Variants in ADCK1 observed in about 807,000 individuals in gnomAD.
ADCK1 encodes aarF domain containing kinase 1.
In ADCK1, 41 loss-of-function variants were observed where a neutral mutation model predicts 52.3. That is an observed-to-expected ratio of 0.78 (90% CI 0.61 to 1.02). ADCK1 has a LOEUF of 1.02. Among genes scored for constraint, ADCK1 ranks in the 50% least tolerant of loss-of-function variants. The probability of loss-of-function intolerance (pLI) is 0.00; values close to 1 mark genes in which losing one functional copy is unlikely to be tolerated. For synonymous variants in ADCK1, 250 were observed against 274.6 expected, an observed-to-expected ratio of 0.91 and a Z score of 0.89; for missense variants, 658 against 679.5, an observed-to-expected ratio of 0.97 and a Z score of 0.35.
At chr14:77,811,538 G>A (rs139946993) in intron 1 of ADCK1, among the ~76,000 whole-genome samples, 3 of 152,290 alleles carry the variant, frequency 2.0e-5, no homozygotes, top group African/African-American at 4.8e-5. Context: ...AGGTGCAGTG[G>A]CTCAACGCCT....
At chr14:77,930,212 G>T (rs559815372) in intron 9 of ADCK1, among the ~76,000 whole-genome samples, 1 of 152,284 alleles carries the variant, frequency 6.6e-6, no homozygotes, top group African/African-American at 2.4e-5. Context: ...GCTTTGTGTT[G>T]AGATGTTCCA....
chr14:77,819,174 C>T (rs2081529514), intron 2 of ADCK1, 61 bp downstream of exon 2: 2 of 1,602,914 alleles, frequency 1.2e-6, no homozygotes, highest in Middle Eastern at 3.4e-4. Context: ...GGTGTTCATA[C>T]ATGTAGCAGA....
intron 4 of ADCK1, among the ~76,000 whole-genome samples, chr14:77,880,903 T>G (rs1419905938): frequency 6.6e-6 from 1 of 152,230 alleles, no homozygotes; most frequent in Non-Finnish European, 1.5e-5. Context: ...GTTGACTGAT[T>G]GGCTTAGGCT....
At chr14:77,929,252 T>C (rs2084267415) in intron 9 of ADCK1, among the ~76,000 whole-genome samples, 1 of 152,192 alleles carries the variant, frequency 6.6e-6, no homozygotes, top group South Asian at 2.1e-4. Context: ...ATAAGGAATT[T>C]GTTCTCTCTC....
chr14:77,814,695 C>CAAAAAAAAAAAAAAA (rs995163952), intron 1 of ADCK1, among the ~76,000 whole-genome samples: 20 of 35,894 alleles, frequency 5.6e-4, no homozygotes, highest in Non-Finnish European at 8.2e-4. Flanking sequence ...AAGACACTCT[C>CAAAAAAAAAAAAAAA]AAAAAAAAAA....
Position 77,822,505 on chromosome 14 carries a change from A to G in ADCK1, c.206A>G (p.Gln69Arg), listed in dbSNP as rs1445902696. The G allele has an allele frequency of 6.2e-7, 1 of 1,613,784 alleles. No homozygotes were observed. Among genetic ancestry groups the G allele is most frequent in the Middle Eastern group, 1.6e-4 (1 of 6,062 alleles). ...CCTTATGGCTCAGAGGAGTACTTGC[A>G]GCTGAGATCTAAGGTAAGTAACCCA... ...SVPYGSEEYL[Q>R]LRSKVHLRSA... Residue 69 changes from glutamine (Q) to arginine (R), a missense_variant, in exon 3 of 11, where the codon CAG (glutamine) becomes CGG (arginine). Transcript: ENST00000238561.
chr14:77,815,484 A>G (rs922847659), intron 1 of ADCK1, among the ~76,000 whole-genome samples: 4 of 149,552 alleles, frequency 2.7e-5, no homozygotes, highest in African/African-American at 4.9e-5. Context: ...TGCTGGGATT[A>G]TAGGCATGAG....
intron 5 of ADCK1, among the ~76,000 whole-genome samples, chr14:77,891,609 C>T (rs990529763): frequency 6.6e-6 from 1 of 152,208 alleles, no homozygotes; most frequent in African/African-American, 2.4e-5. Context: ...GCCTGGCAGG[C>T]TGTGTGCAGA....
chr14:77,826,152 T>C (rs1318154003), intron 3 of ADCK1, among the ~76,000 whole-genome samples: 1 of 152,178 alleles, frequency 6.6e-6, no homozygotes, highest in African/African-American at 2.4e-5. Context: ...TGGCACCAGA[T>C]AACAGGGTGT....
At chr14:77,840,570 G>T (rs115763185) in intron 3 of ADCK1, among the ~76,000 whole-genome samples, 1 of 152,074 alleles carries the variant, frequency 6.6e-6, no homozygotes, top group Admixed American at 6.6e-5. Context: ...TAAACTGGCC[G>T]TGTGTGGTGG....
chr14:77,886,938 ACACGC>A (rs1254449763), intron 4 of ADCK1, among the ~76,000 whole-genome samples, 148 bp from the exon 5 acceptor site: 1 of 129,064 alleles, frequency 7.7e-6, no homozygotes, highest in African/African-American at 3.7e-5. Context: ...ACACACACAC[ACACGC>A]ACAACACACA....
chr14:77,815,720 T>C (rs1182745377), intron 1 of ADCK1, among the ~76,000 whole-genome samples: 1 of 151,714 alleles, frequency 6.6e-6, no homozygotes, highest in African/African-American at 2.4e-5. Flanking sequence ...GGTTTCAGCA[T>C]ATTGGCCAGG....
chr14:77,813,778 G>T (rs1354407700), intron 1 of ADCK1, among the ~76,000 whole-genome samples: 151 of 142,222 alleles, frequency 1.1e-3, no homozygotes, highest in African/African-American at 3.3e-3. Flanking sequence ...TTTTTTTTTT[G>T]TTTTTTTTTT....
At chr14:77,835,333 C>T (rs903902809) in intron 3 of ADCK1, among the ~76,000 whole-genome samples, 7 of 152,184 alleles carry the variant, frequency 4.6e-5, no homozygotes, top group Non-Finnish European at 1.5e-5. Flanking sequence ...AATACCTTAC[C>T]CATGCAGTTG....
At chr14:77,813,009 A>AT (rs534379675) in intron 1 of ADCK1, among the ~76,000 whole-genome samples, 212 of 149,926 alleles carry the variant, frequency 1.4e-3, no homozygotes, top group African/African-American at 4.2e-3. Context: ...GTTTCTTAAA[A>AT]TTTTTTTTTT....
intron 1 of ADCK1, among the ~76,000 whole-genome samples, chr14:77,801,687 C>G (rs752271309): frequency 6.6e-6 from 1 of 152,142 alleles, no homozygotes; most frequent in Non-Finnish European, 1.5e-5. Flanking sequence ...CACCTGTAAT[C>G]CCAGCACTTT....
intron 4 of ADCK1, among the ~76,000 whole-genome samples, chr14:77,884,021 G>T (rs1178561698): frequency 6.6e-6 from 1 of 152,200 alleles, no homozygotes; most frequent in African/African-American, 2.4e-5. Context: ...TCCCTGTGGG[G>T]TGCTCTTGGC....
intron 3 of ADCK1, among the ~76,000 whole-genome samples, chr14:77,847,530 A>G (rs2082196215): frequency 6.6e-6 from 1 of 152,222 alleles, no homozygotes; most frequent in South Asian, 2.1e-4. Flanking sequence ...AGATCCTGCT[A>G]CTGCCCTCCA....
intron 1 of ADCK1, among the ~76,000 whole-genome samples, chr14:77,801,178 C>A (rs2081101805): frequency 1.3e-5 from 2 of 152,184 alleles, no homozygotes; most frequent in Admixed American, 6.5e-5. Flanking sequence ...CAGTACTGGA[C>A]CCCATCCCCA....
Sources: gnomAD v4.1 joint callset for allele counts (sites outside exome capture counted in the v4.1 genomes callset) on GRCh38, gnomAD v4.1.1 for gene constraint, MANE v1.5 for transcripts, NCBI Gene and HGNC (gene_info 2026-07-23, HGNC 2026-07-21) for gene names.